The following COMTD1 variants were observed in gnomAD, a reference collection of about 807,000 sequenced individuals.
COMTD1 encodes catechol O-methyltransferase domain-containing protein 1.
Under a neutral mutation model 33.6 loss-of-function variants are expected in COMTD1, and 35 were observed. That is an observed-to-expected ratio of 1.04 (90% CI 0.80 to 1.38). The LOEUF (loss-of-function observed/expected upper bound fraction) is 1.38. Among genes scored for constraint, COMTD1 ranks in the 40% most tolerant of loss-of-function variants. The pLI, the probability that COMTD1 is intolerant of heterozygous loss-of-function variation, is 0.00. For synonymous variants in COMTD1, 160 were observed against 176.8 expected (o/e 0.91, Z 0.75); for missense variants, 370 against 363.4 (o/e 1.02, Z -0.15).
chr10:75,235,823 G>A lies in COMTD1; in HGVS notation c.94+12C>T, dbSNP rs1590020761. 9.8e-7 allele frequency: 1 copy of A among 1,023,370 alleles called. No individual in the cohort carries two copies. The highest frequency in any genetic ancestry group is 1.3e-5 in the South Asian group (1 of 75,418). 63.4% of individuals were successfully genotyped at this position (1,023,370 alleles called of 1,614,324 possible). A position where few individuals can be genotyped will look rare whatever the true frequency, so the allele number is the denominator to read the frequency against. ...CCCGCCCACCCGCCCGCCGGGACCA[G>A]GTCCTGCTCACCCAGGAAGAGGCCA... On this transcript the variant is annotated intron_variant, in intron 1 of 6. Transcript: ENST00000372538.
At position 75,233,950 on chromosome 10, in the gene COMTD1, C is replaced by T. The variant is rs771192053; in HGVS notation, c.*123G>A. 2.5e-6 allele frequency: 4 copies of T among 1,569,634 alleles called. No homozygotes were observed. The highest frequency in any genetic ancestry group is 3.4e-6 in the Non-Finnish European group (4 of 1,162,756). On this transcript the variant is annotated 3_prime_UTR_variant, in exon 7 of 7. Coordinates refer to ENST00000372538, the MANE Select transcript of COMTD1 (RefSeq NM_144589.4). ...CTTCCCTCCCTTCCCCATCCAGCGC[C>T]ACACACGGAGGCTCAGGAGGTCGTG...
At position 75,235,253 on chromosome 10, in the gene COMTD1, C is replaced by T. The variant is rs767351780; in HGVS notation, c.328+14G>A. 4 of 1,509,686 alleles carry T rather than the reference C, an allele frequency of 2.6e-6. No individual in the cohort carries two copies. The East Asian group carries it at 9.9e-5, about 37-fold the overall frequency. The allele number at this position is 1,509,686 out of a possible 1,614,324, so 93.5% of individuals were successfully genotyped here. A position where few individuals can be genotyped will look rare whatever the true frequency, so the allele number is the denominator to read the frequency against. On this transcript the variant is annotated intron_variant, in intron 3 of 6. Coordinates refer to ENST00000372538, the MANE Select transcript of COMTD1 (RefSeq NM_144589.4). ...AAACCTCGGCCCTCCGGGATCCCGG[C>T]CGCGTGCCCCTACCCAGGTCCAGCG...
intron 6 of COMTD1, 33 bp from the exon 7 acceptor site, chr10:75,234,258 A>G (rs767014876): frequency 2.6e-6 from 4 of 1,564,708 alleles, no homozygotes; most frequent in Middle Eastern, 1.7e-4. Flanking sequence ...GGGCCGTGGG[A>G]GGCGGGGCTT....
At chr10:75,235,583 G>A in intron 2 of COMTD1, 33 bp downstream of exon 2, 2 of 1,557,890 alleles carry the variant, frequency 1.3e-6, no homozygotes, top group Non-Finnish European at 1.7e-6. Context: ...GGGGTCGAGA[G>A]GGACGCCCGT....
chr10:75,235,842 G>A lies in COMTD1; in HGVS notation c.87C>T (p.Leu29=), dbSNP rs1294605299. 6.7e-7 allele frequency: 1 copy of A among 1,499,988 alleles called. No homozygotes were observed. The highest frequency in any genetic ancestry group is 8.9e-7 in the Non-Finnish European group (1 of 1,124,698). The allele number at this position is 1,499,988 out of a possible 1,614,324, so 92.9% of individuals were successfully genotyped here. A position where few individuals can be genotyped will look rare whatever the true frequency, so the allele number is the denominator to read the frequency against. Residue 29 remains leucine (L), a synonymous_variant, in exon 1 of 7, where the codon CTC becomes CTT. Coordinates refer to ENST00000372538, the MANE Select transcript of COMTD1 (RefSeq NM_144589.4). ...GGACCAGGTCCTGCTCACCCAGGAA[G>A]AGGCCAGTGGCGAAGGCGGCGCCCA... The part of the protein sequence containing the change: ...AALGAAFATG[L]FLGRRCPPWR...
In COMTD1 at chr10:75,234,667, G is replaced by A; in HGVS notation, c.579C>T (p.Ala193=). 2 of 1,581,370 alleles carry A rather than the reference G, an allele frequency of 1.3e-6. No individual in the cohort carries two copies. Among genetic ancestry groups the A allele is most frequent in the East Asian group, 2.3e-5 (1 of 42,902 alleles). The part of the protein sequence containing the change: ...VVDADKENCS[A]YYERCLQLLR... ...GCAGCTGCAGGCAGCGCTCGTAGTA[G>A]GCGGAGCAGTTCTCCTTGTCCGCAT... Residue 193 remains alanine, a synonymous_variant, in exon 6 of 7, where the codon GCC becomes GCT. Transcript: ENST00000372538.
Position 75,234,757 on chromosome 10 carries a change from G to GTT in COMTD1, c.503-15_503-14insAA. On this transcript the variant is annotated splice_polypyrimidine_tract_variant and intron_variant, in intron 5 of 6. Transcript: ENST00000372538. ...CCAGCAGCTCGTCTTGCGGGGGGAG[G>GTT]GAGGGCAGGTGCGGCTGAGTCCGCG... 6.4e-7 allele frequency: 1 copy of GTT among 1,573,252 alleles called. No homozygotes were observed. Among genetic ancestry groups the GTT allele is most frequent in the South Asian group, 1.2e-5 (1 of 86,278 alleles).
rs1842186236 is a variant in COMTD1 at position 75,235,843 on chromosome 10, A to T, written c.86T>A (p.Leu29His). Residue 29 changes from leucine (L) to histidine (H), a missense_variant, in exon 1 of 7, where the codon CTC becomes CAC. Coordinates refer to ENST00000372538, the MANE Select transcript of COMTD1 (RefSeq NM_144589.4). ...GACCAGGTCCTGCTCACCCAGGAAG[A>T]GGCCAGTGGCGAAGGCGGCGCCCAG... is the stretch of plus-strand genomic sequence containing the variant. ...AALGAAFATG[L>H]FLGRRCPPWR... 4 of 1,526,956 alleles carry T rather than the reference A, an allele frequency of 2.6e-6. No individual in the cohort carries two copies. The Admixed American group carries it at 5.9e-5, about 23-fold the overall frequency. 94.6% of individuals were successfully genotyped at this position (1,526,956 alleles called of 1,614,324 possible). A position where few individuals can be genotyped will look rare whatever the true frequency, so the allele number is the denominator to read the frequency against.
chr10:75,234,337 G>A (rs1842154930), intron 6 of COMTD1, 112 bp from the exon 7 acceptor site: 1 of 1,219,392 alleles, frequency 8.2e-7, no homozygotes, highest in South Asian at 1.5e-5. Flanking sequence ...GCGGGGTCTT[G>A]GAGGGAGGTG....
In COMTD1 at chr10:75,235,902, G is replaced by A. The variant is rs1375313329; in HGVS notation, c.27C>T (p.Ser9=). 37 of 1,471,832 alleles carry A rather than the reference G, an allele frequency of 2.5e-5. No homozygotes were observed. The highest frequency in any genetic ancestry group is 2.4e-4 in the Middle Eastern group (1 of 4,150). The allele number at this position is 1,471,832 out of a possible 1,614,324, so 91.2% of individuals were successfully genotyped here. ...AGCCCAGGGCCAGCGCGGCGGGCAC[G>A]GAGAGCCGGGGCACCGGCTGGGTCA... MTQPVPRL[S]VPAALALGSA... is the part of the protein sequence containing the mutation. Residue 9 remains serine, a synonymous_variant, in exon 1 of 7, where the codon TCC becomes TCT. Transcript: ENST00000372538.
chr10:75,234,456 G>A (rs1842157850), intron 6 of COMTD1, 154 bp downstream of exon 6: 3 of 1,252,902 alleles, frequency 2.4e-6, no homozygotes, highest in Admixed American at 5.8e-5. Flanking sequence ...AACCAAAGCG[G>A]AGGAAAGCCT....
At chr10:75,235,244 G>A in intron 3 of COMTD1, 23 bp downstream of exon 3, 1 of 1,498,230 alleles carries the variant, frequency 6.7e-7, no homozygotes, top group South Asian at 1.3e-5. Context: ...CGGCCCTCCG[G>A]GATCCCGGCC....
rs1379641774 is a variant in COMTD1, at chr10:75,234,997, G to T, written c.448-5C>A. 1 of 1,510,576 alleles carries T rather than the reference G, an allele frequency of 6.6e-7. No homozygotes were observed. The highest frequency in any genetic ancestry group is 1.5e-5 in the African/African-American group (1 of 68,620). The allele number at this position is 1,510,576 out of a possible 1,614,324, so 93.6% of individuals were successfully genotyped here. ...GATCTTGTGCTCCGCCTCGGCCTGC[G>T]GAGGGAGCGGGTCAGCCGTTGCGCC... On this transcript the variant is annotated splice_region_variant and splice_polypyrimidine_tract_variant and intron_variant, in intron 4 of 6. Transcript: ENST00000372538.
chr10:75,235,430 G>A (rs889251503), intron 2 of COMTD1, 58 bp from the exon 3 acceptor site: 25 of 1,375,458 alleles, frequency 1.8e-5, no homozygotes, highest in African/African-American at 3.0e-5. Context: ...CGCCCTGGGG[G>A]TCCCAAGCCC....
At position 75,233,970 on chromosome 10, in the gene COMTD1, G is replaced by A; in HGVS notation, c.*103C>T. 1 of 1,594,896 alleles carries A rather than the reference G, an allele frequency of 6.3e-7. No homozygotes were observed. Among genetic ancestry groups the A allele is most frequent in the Non-Finnish European group, 8.5e-7 (1 of 1,174,472 alleles). On this transcript the variant is annotated 3_prime_UTR_variant, in exon 7 of 7. Transcript: ENST00000372538. ...AGCGCCACACACGGAGGCTCAGGAG[G>A]TCGTGTGTCCCAGCCCCACTTTATT...
chr10:75,234,374 G>A (rs1442751302), intron 6 of COMTD1, 149 bp from the exon 7 acceptor site: 1 of 1,035,394 alleles, frequency 9.7e-7, no homozygotes, highest in Non-Finnish European at 1.4e-6. Flanking sequence ...GGTCTCGGAG[G>A]GAGGTGTCTG....
intron 2 of COMTD1, 101 bp downstream of exon 2, chr10:75,235,515 G>C: frequency 1.4e-6 from 2 of 1,404,328 alleles, no homozygotes; most frequent in East Asian, 5.3e-5. Context: ...CAGGGAAGCC[G>C]GAAGCCCAGG....
chr10:75,235,560 C>G, intron 2 of COMTD1, 56 bp downstream of exon 2: 1 of 1,512,852 alleles, frequency 6.6e-7, no homozygotes, highest in Non-Finnish European at 8.8e-7. Context: ...CACACAGCCA[C>G]GTGGGACCCG....
In COMTD1 at chr10:75,234,197, G is replaced by A. The variant is rs377312579; in HGVS notation, c.665C>T (p.Pro222Leu). The change falls in exon 7 of 7, where the codon CCT becomes CTT. Residue 222 changes from proline (P) to leucine (L), a missense_variant. Transcript: ENST00000372538. ...RVLWRGKVLQ[P>L]PKGDVAAECV... The stretch of plus-strand genomic sequence containing the variant: ...CTCGGCCGCCACGTCCCCTTTCGGA[G>A]GTTGCAGCACCTTCCCGCGCCACAG... 3 of 1,613,100 alleles carry A rather than the reference G, an allele frequency of 1.9e-6. No individual in the cohort carries two copies. The highest frequency in any genetic ancestry group is 1.7e-5 in the Admixed American group (1 of 60,032).
Sources: gnomAD v4.1 joint callset for allele counts on GRCh38, gnomAD v4.1.1 for gene constraint, MANE v1.5 for transcripts, NCBI Gene and HGNC (gene_info 2026-07-23, HGNC 2026-07-21) for gene names.